AGMO: variants seen among roughly 807,000 people sequenced by gnomAD.
The protein encoded by AGMO is glyceryl-ether monooxygenase.
In AGMO, 75 loss-of-function variants were observed where a neutral mutation model predicts 60.2. The observed-to-expected ratio is 1.25, with a 90% CI of 1.03 to 1.51. The LOEUF (loss-of-function observed/expected upper bound fraction) is 1.51. Ranked by LOEUF, AGMO falls within the 40% of genes most tolerant of loss-of-function variation. The probability of loss-of-function intolerance (pLI) is 0.00; values close to 1 mark genes in which losing one functional copy is unlikely to be tolerated. For missense variants in AGMO, 763 were observed against 525.5 expected, an observed-to-expected ratio of 1.45 and a Z score of -4.42; for synonymous variants, 261 against 177.1, an observed-to-expected ratio of 1.47 and a Z score of -3.76.
chr7:15,519,078 AT>A (rs1783906563), intron 3 of AGMO, among the ~76,000 whole-genome samples: 1 of 151,736 alleles, frequency 6.6e-6, no homozygotes, highest in Non-Finnish European at 1.5e-5. Flanking sequence ...GAGAATGAAG[AT>A]CAACTTAATG....
chr7:15,354,504 A>C (rs1188849623), intron 12 of AGMO, among the ~76,000 whole-genome samples: 1 of 35,586 alleles, frequency 2.8e-5, no homozygotes, highest in Non-Finnish European at 4.7e-5. Context: ...GTGTATATAT[A>C]TATATATATA....
intron 12 of AGMO, among the ~76,000 whole-genome samples, chr7:15,299,264 G>A (rs556429007): frequency 6.6e-6 from 1 of 151,988 alleles, no homozygotes; most frequent in East Asian, 1.9e-4. Context: ...AAAGGTTATT[G>A]CTTCAGTGAA....
intron 12 of AGMO, among the ~76,000 whole-genome samples, chr7:15,299,322 G>A (rs1412575244): frequency 6.6e-6 from 1 of 152,038 alleles, no homozygotes; most frequent in Admixed American, 6.6e-5. Flanking sequence ...TCTGACCTGT[G>A]CTGTTTATAC....
At chr7:15,551,278 C>G (rs189222140) in intron 2 of AGMO, among the ~76,000 whole-genome samples, 141 of 152,100 alleles carry the variant, frequency 9.3e-4, no homozygotes, top group African/African-American at 3.4e-3. Flanking sequence ...TGCCCTCTCT[C>G]ACCACTCCTA....
intron 3 of AGMO, among the ~76,000 whole-genome samples, chr7:15,500,325 T>G (rs1337108203): frequency 6.6e-6 from 1 of 151,932 alleles, no homozygotes; most frequent in Non-Finnish European, 1.5e-5. Context: ...TTGCATTAAG[T>G]GGCCTTGTCT....
chr7:15,315,415 G>A (rs1236849820), intron 12 of AGMO, among the ~76,000 whole-genome samples: 1 of 122,934 alleles, frequency 8.1e-6, no homozygotes, highest in Non-Finnish European at 1.6e-5. Flanking sequence ...TAGGCTAACT[G>A]CAACCTCCGA....
chr7:15,532,790 A>C (rs114820426), intron 3 of AGMO, among the ~76,000 whole-genome samples: 1 of 152,104 alleles, frequency 6.6e-6, no homozygotes, highest in African/African-American at 2.4e-5. Flanking sequence ...CAGAAGTTCA[A>C]GAACAGCCTG....
At chr7:15,391,863 G>T (rs1237169116) in intron 6 of AGMO, among the ~76,000 whole-genome samples, 1 of 152,064 alleles carries the variant, frequency 6.6e-6, no homozygotes. Context: ...AATGGGTGGG[G>T]GCCAGTGACG....
chr7:15,483,436 G>T (rs956840591), intron 3 of AGMO, among the ~76,000 whole-genome samples: 1 of 152,020 alleles, frequency 6.6e-6, no homozygotes, highest in African/African-American at 2.4e-5. Context: ...CGTGGTGGCG[G>T]GCGCCTGCAG....
chr7:15,200,760 T>G lies in AGMO; in HGVS notation c.*525A>C, dbSNP rs1322518743. On this transcript the variant is annotated 3_prime_UTR_variant, in exon 13 of 13. Transcript: ENST00000342526. ...CGCCCACCTCAGCCCCACAAAGTGC[T>G]GGGATTACAGGGGTGAGCCACCGCG... 1 of 152,642 alleles carries G rather than the reference T, an allele frequency of 6.6e-6. No homozygotes were observed. Among genetic ancestry groups the G allele is most frequent in the East Asian group, 1.9e-4 (1 of 5,214 alleles). The allele number at this position is 152,642 out of a possible 1,614,324, so 9.5% of individuals were successfully genotyped here. A position where few individuals can be genotyped will look rare whatever the true frequency, so the allele number is the denominator to read the frequency against.
At chr7:15,390,024 T>A (rs571298764) in intron 8 of AGMO, among the ~76,000 whole-genome samples, 63 of 152,206 alleles carry the variant, frequency 4.1e-4, no homozygotes, top group African/African-American at 1.4e-3. Flanking sequence ...TTTTCAAGTA[T>A]TCTTATCTTT....
At chr7:15,459,629 T>C (rs1782091360) in intron 3 of AGMO, among the ~76,000 whole-genome samples, 3 of 26,192 alleles carry the variant, frequency 1.1e-4, no homozygotes, top group African/African-American at 4.6e-4. Context: ...GTGTGTATGG[T>C]TGTCAGTCAT....
rs552741751 is a variant in AGMO at position 15,277,807 on chromosome 7, G to A, written c.1264-76448C>T. Reference sequence around the variant, plus strand: ...TGGATAGAGGTGTCCATTGTGCCCCGAGTTTCCTGTTCAGTGCAGGCCCAG... The same window carrying A: ...TGGATAGAGGTGTCCATTGTGCCCCAAGTTTCCTGTTCAGTGCAGGCCCAG... On this transcript the variant is annotated intron_variant, in intron 12 of 12. Coordinates refer to ENST00000342526, the MANE Select transcript of AGMO (RefSeq NM_001004320.2). 5.9e-5 allele frequency among the ~76,000 whole-genome samples: 9 copies of A among 152,174 alleles called. No homozygotes were observed. In the South Asian group the frequency reaches 8.3e-4, roughly 14 times the overall value.
chr7:15,532,492 T>C (rs183442016), intron 3 of AGMO, among the ~76,000 whole-genome samples: 14 of 152,316 alleles, frequency 9.2e-5, no homozygotes, highest in Admixed American at 5.9e-4. Context: ...GAAACATATA[T>C]GAGAATCCCT....
chr7:15,162,026 C>A, the AGMO span, among the ~76,000 whole-genome samples: 36 of 152,232 alleles, frequency 2.4e-4, no homozygotes, highest in African/African-American at 8.7e-4. Flanking sequence ...GTGACTGGAT[C>A]ATGGGGACGG....
At chr7:15,249,976 T>A (rs1782884224) in intron 12 of AGMO, among the ~76,000 whole-genome samples, 1 of 152,206 alleles carries the variant, frequency 6.6e-6, no homozygotes, top group African/African-American at 2.4e-5. Context: ...TAAACAGTCT[T>A]TTCACAAGAT....
chr7:15,248,243 G>T (rs1782825651), intron 12 of AGMO, among the ~76,000 whole-genome samples: 1 of 86,832 alleles, frequency 1.2e-5, no homozygotes, highest in African/African-American at 3.7e-5. Flanking sequence ...TTCAATTCTA[G>T]TCTAAAAATA....
the AGMO span, among the ~76,000 whole-genome samples, chr7:15,123,951 A>G: frequency 6.6e-6 from 1 of 152,066 alleles, no homozygotes; most frequent in African/African-American, 2.4e-5. Context: ...CTTCTATTCA[A>G]TCTGTATCAG....
At chr7:15,305,291 T>C (rs759291113) in intron 12 of AGMO, among the ~76,000 whole-genome samples, 2 of 151,286 alleles carry the variant, frequency 1.3e-5, no homozygotes, top group Non-Finnish European at 3.0e-5. Context: ...AAATATTGCC[T>C]AAAATAAGGT....
Sources: gnomAD v4.1 joint callset for allele counts (sites outside exome capture counted in the v4.1 genomes callset) on GRCh38, gnomAD v4.1.1 for gene constraint, MANE v1.5 for transcripts, NCBI Gene and HGNC (gene_info 2026-07-23, HGNC 2026-07-21) for gene names.